The following RAB1B variants were observed in gnomAD, a reference collection of about 807,000 sequenced individuals.
RAB1B encodes ras-related protein Rab-1B.
RAB1B carries 10 observed loss-of-function variants against 24.8 expected under a neutral mutation model. That is an observed-to-expected ratio of 0.40 (90% CI 0.25 to 0.68). RAB1B has a LOEUF of 0.68. Ranked by LOEUF, RAB1B falls within the 30% of genes least tolerant of loss-of-function variation. The probability of loss-of-function intolerance (pLI) is 0.37; values close to 1 mark genes in which losing one functional copy is unlikely to be tolerated. For missense variants in RAB1B, 154 were observed against 271.2 expected, an observed-to-expected ratio of 0.57 and a Z score of 3.04; for synonymous variants, 99 against 111.7, an observed-to-expected ratio of 0.89 and a Z score of 0.72.
At chr11:66,274,142 C>T (rs965772925) in intron 4 of RAB1B, among the ~76,000 whole-genome samples, 2 of 152,114 alleles carry the variant, frequency 1.3e-5, no homozygotes, top group Non-Finnish European at 2.9e-5. Context: ...GCCCCAGCTG[C>T]ATCCCCATCT....
rs1188617503 is a variant in RAB1B at position 66,276,036 on chromosome 11, C to T, written c.412-8C>T. The T allele has an allele frequency of 3.1e-6, 5 of 1,611,842 alleles. No individual in the cohort carries two copies. The highest frequency in any genetic ancestry group is 2.7e-5 in the African/African-American group (2 of 74,924). ...TCTCCCCTCCTCTTCTCTCCTCTCC[C>T]TTGTCAGGAGTTTGCAGACTCTCTG... is the stretch of plus-strand genomic sequence containing the variant. On this transcript the variant is annotated splice_polypyrimidine_tract_variant and splice_region_variant and intron_variant, in intron 5 of 5. Transcript: ENST00000311481.
intron 2 of RAB1B, 135 bp from the exon 3 acceptor site, chr11:66,272,022 G>T (rs1486311945): frequency 1.0e-6 from 1 of 954,460 alleles, no homozygotes; most frequent in East Asian, 2.4e-5. Flanking sequence ...AACAAGACAG[G>T]GCTGGCCAGC....
rs762684370 is a variant in RAB1B, at chr11:66,275,920, C to T, written c.396C>T (p.Asp132=). Residue 132 remains aspartate, a synonymous_variant, in exon 5 of 6, where the codon GAC becomes GAT. Coordinates refer to ENST00000311481, the MANE Select transcript of RAB1B (RefSeq NM_030981.3). ...ACCTCACCACCAAGAAGGTGGTGGA[C>T]AACACCACAGCCAAGGTAGCAGACG... ...KSDLTTKKVV[D]NTTAKEFADS... is the part of the protein sequence containing the mutation. The T allele has an allele frequency of 4.3e-6, 7 of 1,611,514 alleles. No homozygotes were observed. Among genetic ancestry groups the T allele is most frequent in the Admixed American group, 1.7e-5 (1 of 59,680 alleles).
At chr11:66,269,026 C>T (rs1416345106) in intron 1 of RAB1B, among the ~76,000 whole-genome samples, 1 of 152,064 alleles carries the variant, frequency 6.6e-6, no homozygotes. Context: ...CCACCTGCTG[C>T]TTGACAACTG....
intron 1 of RAB1B, among the ~76,000 whole-genome samples, chr11:66,269,093 C>T (rs117827012): frequency 0.064 from 9,674 of 152,030 alleles, 475 homozygotes; most frequent in Non-Finnish European, 0.089. Flanking sequence ...AGGCTTGGGC[C>T]CTTTAGGTCG....
At chr11:66,273,343 A>G (rs1277238631) in intron 4 of RAB1B, among the ~76,000 whole-genome samples, 2 of 152,212 alleles carry the variant, frequency 1.3e-5, no homozygotes, top group African/African-American at 4.8e-5. Flanking sequence ...TGGGGAAGCT[A>G]CATACCACCC....
In RAB1B at chr11:66,275,847, G is replaced by A. The variant is rs143206894; in HGVS notation, c.323G>A (p.Arg108His). 22 of 1,595,658 alleles carry A rather than the reference G, an allele frequency of 1.4e-5. No homozygotes were observed. The highest frequency in any genetic ancestry group is 1.8e-5 in the Admixed American group (1 of 55,590). Residue 108 changes from arginine (R) to histidine (H), a missense_variant, in exon 5 of 6, where the codon CGC becomes CAC. By Grantham distance (29) the Arg-to-His change is conservative. Transcript: ENST00000311481. Reference sequence around the variant, plus strand: ...AAGCAGTGGCTGCAGGAGATTGACCGCTATGCCAGCGAGAACGTCAATAAG... The same window carrying A: ...AAGCAGTGGCTGCAGGAGATTGACCACTATGCCAGCGAGAACGTCAATAAG... ...NVKQWLQEID[R>H]YASENVNKLL...
At chr11:66,271,755 GCTCCCTGC>G in intron 1 of RAB1B, 34 bp from the exon 2 acceptor site, 1 of 1,431,190 alleles carries the variant, frequency 7.0e-7, no homozygotes, top group Non-Finnish European at 9.9e-7. Context: ...TGGTAGGTGG[GCTCCCTGC>G]CTCCCTTCAC....
At position 66,271,808 on chromosome 11, in the gene RAB1B, T is replaced by C; in HGVS notation, c.26T>C (p.Phe9Ser). 6.2e-7 allele frequency: 1 copy of C among 1,613,994 alleles called. No homozygotes were observed. Among genetic ancestry groups the C allele is most frequent in the Non-Finnish European group, 8.5e-7 (1 of 1,179,924 alleles). The change falls in exon 2 of 6, where the codon TTT becomes TCT. Residue 9 changes from phenylalanine to serine, a missense_variant. Phe to Ser is a radical substitution (Grantham distance 155). Coordinates refer to ENST00000311481, the MANE Select transcript of RAB1B (RefSeq NM_030981.3). MNPEYDYL[F>S]KLLLIGDSGV... is the part of the protein sequence containing the mutation. ...TCTTCTCTCTCCAGTGACTACCTGT[T>C]TAAGCTGCTTTTGATTGGCGACTCA...
At chr11:66,275,384 G>A (rs1292762012) in intron 4 of RAB1B, among the ~76,000 whole-genome samples, 1 of 152,180 alleles carries the variant, frequency 6.6e-6, no homozygotes, top group Admixed American at 6.5e-5. Context: ...GTGCTCCAAG[G>A]CTTCAAACCT....
chr11:66,271,547 G>T, intron 1 of RAB1B: 2 of 293,332 alleles, frequency 6.8e-6, no homozygotes, highest in Non-Finnish European at 6.4e-6. Context: ...GTGGACACCT[G>T]AAGTCCCAGC....
At chr11:66,275,265 C>T (rs1857123352) in intron 4 of RAB1B, among the ~76,000 whole-genome samples, 1 of 152,042 alleles carries the variant, frequency 6.6e-6, no homozygotes, top group Admixed American at 6.6e-5. Flanking sequence ...GAGTCTGAAG[C>T]CAAGTAATGA....
intron 1 of RAB1B, 138 bp downstream of exon 1, chr11:66,268,831 C>CCCCCA (rs55687530): frequency 7.5e-6 from 7 of 936,760 alleles, no homozygotes; most frequent in African/African-American, 3.7e-5. Flanking sequence ...GACCCCCCCC[C>CCCCCA]ACATCCGGGT....
chr11:66,269,515 G>A (rs1041564941), intron 1 of RAB1B, among the ~76,000 whole-genome samples: 4 of 152,324 alleles, frequency 2.6e-5, no homozygotes, highest in Admixed American at 2.6e-4. Context: ...CCAAGTATCA[G>A]TTATCTTCTT....
chr11:66,275,798 C>A lies in RAB1B; in HGVS notation c.280-6C>A. 1 of 1,571,616 alleles carries A rather than the reference C, an allele frequency of 6.4e-7. No individual in the cohort carries two copies. The highest frequency in any genetic ancestry group is 8.6e-7 in the Non-Finnish European group (1 of 1,158,318). On this transcript the variant is annotated splice_polypyrimidine_tract_variant and splice_region_variant and intron_variant, in intron 4 of 5. Transcript: ENST00000311481. ...CAAAATAACTTTGGCCCCTGGCCCC[C>A]TTTAGGAATCCTACGCCAACGTGAA...
At chr11:66,272,641 A>G (rs1857079323) in intron 4 of RAB1B, 181 bp downstream of exon 4, 1 of 466,132 alleles carries the variant, frequency 2.1e-6, no homozygotes, top group Non-Finnish European at 3.8e-6. Context: ...TCATTTCACA[A>G]GGAGGGAAAC....
In RAB1B at chr11:66,272,236, C is replaced by T; in HGVS notation, c.167C>T (p.Thr56Ile). Reference protein sequence around the residue: ...KIRTIELDGKTIKLQIWDTAG... With the variant: ...KIRTIELDGKIIKLQIWDTAG... ...CGAACCATCGAGCTGGATGGCAAAA[C>T]TATCAAACTTCAGATCGTGAGTGTC... The change falls in exon 3 of 6, where the codon ACT becomes ATT. Residue 56 changes from threonine (T) to isoleucine (I), a missense_variant. Thr to Ile is a moderately conservative substitution (Grantham distance 89). Around this residue, in one of 2 missense-constraint regions of RAB1B, gnomAD observed 77 missense variants for 173.4 expected, o/e 0.44. Coordinates refer to ENST00000311481, the MANE Select transcript of RAB1B (RefSeq NM_030981.3). 1.9e-6 allele frequency: 3 copies of T among 1,613,636 alleles called. No homozygotes were observed. Among genetic ancestry groups the T allele is most frequent in the Non-Finnish European group, 2.5e-6 (3 of 1,179,512 alleles).
intron 1 of RAB1B, chr11:66,271,524 A>AGTG (rs1036911619): frequency 5.5e-5 from 14 of 254,066 alleles, no homozygotes; most frequent in African/African-American, 2.5e-4. Flanking sequence ...ATTAGCTAGA[A>AGTG]GTGGTGGTGG....
At chr11:66,269,374 A>C (rs1857013573) in intron 1 of RAB1B, among the ~76,000 whole-genome samples, 1 of 152,142 alleles carries the variant, frequency 6.6e-6, no homozygotes, top group Non-Finnish European at 1.5e-5. Flanking sequence ...CTGCCTGTGA[A>C]GTTTAGATGA....
Sources: gnomAD v4.1 joint callset for allele counts (sites outside exome capture counted in the v4.1 genomes callset) on GRCh38, gnomAD v4.1.1 for gene constraint, gnomAD v4.1.1 regional missense constraint, MANE v1.5 for transcripts, NCBI Gene and HGNC (gene_info 2026-07-23, HGNC 2026-07-21) for gene names.